MAP3K20: variants seen among roughly 807,000 people sequenced by gnomAD.
The protein encoded by MAP3K20 is mitogen-activated protein kinase kinase kinase 20.
In MAP3K20, 40 loss-of-function variants were observed where a neutral mutation model predicts 85.7. The ratio of observed to expected loss-of-function variants is 0.47; its 90% CI spans 0.36 to 0.61. The LOEUF is 0.61. MAP3K20 is among the 20% of genes least tolerant of loss of function. The pLI is 0.00. For synonymous variants in MAP3K20, 325 were observed against 327.7 expected (o/e 0.99, Z 0.09); for missense variants, 817 against 961.7 (o/e 0.85, Z 1.99).
At chr2:173,165,508 C>G (rs75508510) in intron 2 of MAP3K20, among the ~76,000 whole-genome samples, 4 of 152,170 alleles carry the variant, frequency 2.6e-5, no homozygotes, top group Non-Finnish European at 5.9e-5. Flanking sequence ...CTTATGGATA[C>G]TTAGACCGTA....
chr2:173,102,480 CA>C (rs1477835350), intron 2 of MAP3K20, among the ~76,000 whole-genome samples: 1 of 152,174 alleles, frequency 6.6e-6, no homozygotes, highest in Non-Finnish European at 1.5e-5. Flanking sequence ...CTGCTAATAT[CA>C]GATGTTCACT....
chr2:173,180,667 C>G (rs1390682336), intron 3 of MAP3K20, among the ~76,000 whole-genome samples: 1 of 151,856 alleles, frequency 6.6e-6, no homozygotes, highest in Non-Finnish European at 1.5e-5. Context: ...CAGAGTGAGA[C>G]CTTGTCTCAA....
chr2:173,091,010 TATA>T lies in MAP3K20; in HGVS notation c.-18_-16del, dbSNP rs779808871. On this transcript the variant is annotated 5_prime_UTR_variant, in exon 2 of 20. Coordinates refer to ENST00000375213, the MANE Select transcript of MAP3K20 (RefSeq NM_016653.3). ...TTTCTTTCTGCAGATTTTGTGGAAGTATAATACTTTGTCATTATGAGATGTCGT... is the reference window on the plus strand; with the variant it reads ...TTTCTTTCTGCAGATTTTGTGGAAGTATACTTTGTCATTATGAGATGTCGT... The T allele has an allele frequency of 8.7e-6, 14 of 1,600,050 alleles. No homozygotes were observed. The African/African-American group carries it at 1.9e-4, about 22-fold the overall frequency.
intron 16 of MAP3K20, among the ~76,000 whole-genome samples, chr2:173,257,618 C>T (rs1302775855): frequency 6.6e-6 from 1 of 152,150 alleles, no homozygotes; most frequent in African/African-American, 2.4e-5. Flanking sequence ...GATAAAGCTG[C>T]TAAGAACACA....
intron 2 of MAP3K20, among the ~76,000 whole-genome samples, chr2:173,153,963 G>A (rs778388696): frequency 3.9e-5 from 6 of 151,992 alleles, no homozygotes; most frequent in Non-Finnish European, 8.8e-5. Context: ...TATGGAGCCC[G>A]CAGATACAGA....
chr2:173,250,604 C>A (rs141404480), intron 16 of MAP3K20, among the ~76,000 whole-genome samples: 1 of 152,166 alleles, frequency 6.6e-6, no homozygotes, highest in African/African-American at 2.4e-5. Flanking sequence ...CTGTGAGCCA[C>A]GGCTAATGAG....
At chr2:173,176,769 A>G (rs1415184421) in intron 3 of MAP3K20, among the ~76,000 whole-genome samples, 1 of 152,226 alleles carries the variant, frequency 6.6e-6, no homozygotes, top group Admixed American at 6.5e-5. Flanking sequence ...AGATTAAAAA[A>G]TAACCAGATC....
At chr2:173,097,543 A>G (rs1057125334) in intron 2 of MAP3K20, among the ~76,000 whole-genome samples, 1 of 152,220 alleles carries the variant, frequency 6.6e-6, no homozygotes, top group African/African-American at 2.4e-5. Context: ...TTGAATCAAA[A>G]GGAAGCAGAA....
intron 4 of MAP3K20, among the ~76,000 whole-genome samples, chr2:173,186,521 A>G (rs1690489467): frequency 7.3e-6 from 1 of 136,410 alleles, no homozygotes; most frequent in East Asian, 2.2e-4. Context: ...TTGTCCTTTC[A>G]TGATTCTTCA....
intron 2 of MAP3K20, among the ~76,000 whole-genome samples, chr2:173,122,837 C>T (rs1469743340): frequency 6.6e-6 from 1 of 152,174 alleles, no homozygotes; most frequent in African/African-American, 2.4e-5. Flanking sequence ...GTCTTTGGCA[C>T]TCAGTGCTGC....
chr2:173,174,748 T>C (rs1300412498), intron 3 of MAP3K20, among the ~76,000 whole-genome samples: 1 of 152,214 alleles, frequency 6.6e-6, no homozygotes, highest in Non-Finnish European at 1.5e-5. Context: ...GGTCAAATGG[T>C]ATTCCATGTC....
chr2:173,243,292 G>C (rs1684836233), intron 16 of MAP3K20, among the ~76,000 whole-genome samples: 1 of 152,164 alleles, frequency 6.6e-6, no homozygotes, highest in African/African-American at 2.4e-5. Flanking sequence ...AGTCTTCTTG[G>C]TAGAAGTGTT....
intron 1 of MAP3K20, among the ~76,000 whole-genome samples, chr2:173,088,388 A>G (rs1414848603): frequency 6.6e-6 from 1 of 152,236 alleles, no homozygotes; most frequent in Non-Finnish European, 1.5e-5. Context: ...GCTTGCATGC[A>G]TGGAGGTAGA....
At chr2:173,166,910 G>GTTTTTTTTTTTTT (rs71018540) in intron 2 of MAP3K20, 17 of 113,866 alleles carry the variant, frequency 1.5e-4, no homozygotes, top group Non-Finnish European at 2.4e-4. Flanking sequence ...CAGTTTTTCT[G>GTTTTTTTTTTTTT]TTTTTTTTTT....
At chr2:173,242,424 C>T (rs1194413657) in intron 16 of MAP3K20, among the ~76,000 whole-genome samples, 1 of 151,992 alleles carries the variant, frequency 6.6e-6, no homozygotes, top group African/African-American at 2.4e-5. Context: ...CCACCTCGGC[C>T]TCCCAAAGTG....
intron 2 of MAP3K20, among the ~76,000 whole-genome samples, chr2:173,115,450 G>A (rs1688093150): frequency 6.6e-6 from 1 of 152,034 alleles, no homozygotes; most frequent in Non-Finnish European, 1.5e-5. Flanking sequence ...TGTATTGCTG[G>A]TGGCTAGTGT....
At chr2:173,232,245 T>C in intron 13 of MAP3K20, 23 bp downstream of exon 13, 1 of 1,614,244 alleles carries the variant, frequency 6.2e-7, no homozygotes, top group Non-Finnish European at 8.5e-7. Flanking sequence ...AGTTACCTTC[T>C]TCAATCATGG....
At chr2:173,184,402 A>G (rs1168949977) in intron 4 of MAP3K20, among the ~76,000 whole-genome samples, 4 of 152,210 alleles carry the variant, frequency 2.6e-5, no homozygotes, top group African/African-American at 4.8e-5. Flanking sequence ...AACAGCTAAC[A>G]TCAGTCACTC....
rs1558916544 is a variant in MAP3K20, at chr2:173,261,143, C to T, written c.1551+6C>T. 3 of 1,613,334 alleles carry T rather than the reference C, an allele frequency of 1.9e-6. No homozygotes were observed. Among genetic ancestry groups the T allele is most frequent in the Non-Finnish European group, 2.5e-6 (3 of 1,179,450 alleles). On this transcript the variant is annotated splice_donor_region_variant and intron_variant, in intron 18 of 19. Transcript: ENST00000375213. ...AGTGCACTGTCACATATGAGGTAAG[C>T]TCTGGGGGCAAGAGGCTGGTGGCCT...
Sources: gnomAD v4.1 joint callset for allele counts (sites outside exome capture counted in the v4.1 genomes callset) on GRCh38, gnomAD v4.1.1 for gene constraint, MANE v1.5 for transcripts, NCBI Gene and HGNC (gene_info 2026-07-23, HGNC 2026-07-21) for gene names.